Variants in CHEK2 observed in about 807,000 individuals in gnomAD.
The protein encoded by CHEK2 is checkpoint kinase 2.
Under a neutral mutation model 69.1 loss-of-function variants are expected in CHEK2, and 71 were observed. That is an observed-to-expected ratio of 1.03 (90% CI 0.85 to 1.25). The LOEUF is 1.25. Among genes scored for constraint, CHEK2 ranks in the 50% most tolerant of loss-of-function variants. The pLI, the probability that CHEK2 is intolerant of heterozygous loss-of-function variation, is 0.00. For missense variants in CHEK2, 664 were observed against 649.6 expected (o/e 1.02, Z -0.24); for synonymous variants, 189 against 226.9 (o/e 0.83, Z 1.50).
intron 2 of CHEK2, chr22:28,728,131 A>C (rs1269358234): frequency 6.6e-6 from 1 of 152,234 alleles, no homozygotes; most frequent in South Asian, 2.1e-4. Context: ...CTCTAGAAAG[A>C]AAAAGAAAAT....
intron 4 of CHEK2, 71 bp from the exon 5 acceptor site, chr22:28,719,556 T>G (rs2053700834): frequency 3.5e-6 from 3 of 847,840 alleles, no homozygotes; most frequent in Non-Finnish European, 5.8e-6. Context: ...TTCTAAAATT[T>G]ATTCATCATA....
At position 28,689,218 on chromosome 22, in the gene CHEK2, G is replaced by A. The variant is rs876658673; in HGVS notation, c.1462-3C>T. The A allele has an allele frequency of 6.5e-7, 1 of 1,547,248 alleles. No homozygotes were observed. The highest frequency in any genetic ancestry group is 8.8e-7 in the Non-Finnish European group (1 of 1,135,214). On this transcript the variant is annotated splice_region_variant and splice_polypyrimidine_tract_variant and intron_variant, in intron 13 of 14. Transcript: ENST00000404276. ...AACTTTCTCTTCATGTCTTCATCCTGTGAGGGAATTAAAAACATAAGTAGC... is the reference window on the plus strand; with the variant it reads ...AACTTTCTCTTCATGTCTTCATCCTATGAGGGAATTAAAAACATAAGTAGC...
At position 28,696,002 on chromosome 22, in the gene CHEK2, T is replaced by A. The variant is rs574744424; in HGVS notation, c.1096-129A>T. 1.8e-3 allele frequency: 1,330 copies of A among 729,972 alleles called. 3 individuals carry two copies. Among genetic ancestry groups the A allele is most frequent in the Non-Finnish European group, 2.6e-3 (1,107 of 418,266 alleles). 45.2% of individuals were successfully genotyped at this position (729,972 alleles called of 1,614,324 possible). A position where few individuals can be genotyped will look rare whatever the true frequency, so the allele number is the denominator to read the frequency against. On this transcript the variant is annotated intron_variant, in intron 10 of 14. Transcript: ENST00000404276. ...TTGTACAATTCACACCTGCCATTAA[T>A]CTGGAATTTACAGATTCATGTCTTT...
At chr22:28,707,341 G>A (rs913604438) in intron 7 of CHEK2, among the ~76,000 whole-genome samples, 1 of 152,184 alleles carries the variant, frequency 6.6e-6, no homozygotes, top group Non-Finnish European at 1.5e-5. Flanking sequence ...TGTGACATAA[G>A]TATTCTTATT....
intron 2 of CHEK2, among the ~76,000 whole-genome samples, chr22:28,725,881 C>G (rs2053988022): frequency 1.3e-5 from 2 of 149,598 alleles, no homozygotes; most frequent in African/African-American, 5.0e-5. Context: ...TGCACACTAG[C>G]CTGGGCGACA....
chr22:28,696,340 A>T (rs1388693896), intron 10 of CHEK2, among the ~76,000 whole-genome samples: 1 of 152,214 alleles, frequency 6.6e-6, no homozygotes, highest in Non-Finnish European at 1.5e-5. Context: ...CAGACTTGAG[A>T]AACAGGGAAA....
At position 28,687,820 on chromosome 22, in the gene CHEK2, T is replaced by A; in HGVS notation, c.*77A>T. ...ATTCCCATAATTAAAATACAAACTATAAAAAAACAGACTCAAAGAAAAGAA... is the reference window on the plus strand; with the variant it reads ...ATTCCCATAATTAAAATACAAACTAAAAAAAAACAGACTCAAAGAAAAGAA... On this transcript the variant is annotated 3_prime_UTR_variant, in exon 15 of 15. Coordinates refer to ENST00000404276, the MANE Select transcript of CHEK2 (RefSeq NM_007194.4). 1.7e-6 allele frequency: 2 copies of A among 1,161,958 alleles called. No homozygotes were observed. Among genetic ancestry groups the A allele is most frequent in the Non-Finnish European group, 2.5e-6 (2 of 800,178 alleles). 72.0% of individuals were successfully genotyped at this position (1,161,958 alleles called of 1,614,324 possible). A position where few individuals can be genotyped will look rare whatever the true frequency, so the allele number is the denominator to read the frequency against.
chr22:28,716,426 A>C (rs2053590631), intron 5 of CHEK2, among the ~76,000 whole-genome samples: 1 of 151,042 alleles, frequency 6.6e-6, no homozygotes, highest in African/African-American at 2.4e-5. Flanking sequence ...CAAACCCCCA[A>C]CCTCAGGTGA....
intron 2 of CHEK2, 79 bp from the exon 3 acceptor site, chr22:28,725,446 T>G: frequency 6.5e-7 from 1 of 1,534,810 alleles, no homozygotes; most frequent in Non-Finnish European, 9.0e-7. Context: ...AAATGCTAAT[T>G]GTAGGAAAAT....
intron 1 of CHEK2, among the ~76,000 whole-genome samples, chr22:28,741,369 G>A (rs17880459): frequency 0.012 from 1,896 of 151,708 alleles, 46 homozygotes; most frequent in African/African-American, 0.043. Context: ...TTAGGGACAC[G>A]CAGAACATCC....
intron 8 of CHEK2, among the ~76,000 whole-genome samples, chr22:28,701,261 G>C (rs1249866218): frequency 6.6e-6 from 1 of 151,728 alleles, no homozygotes; most frequent in Non-Finnish European, 1.5e-5. Context: ...TTTTGAGACA[G>C]TCTTGCTCTG....
intron 1 of CHEK2, 77 bp from the exon 2 acceptor site, chr22:28,734,804 T>G: frequency 8.9e-7 from 1 of 1,124,326 alleles, no homozygotes; most frequent in Non-Finnish European, 1.3e-6. Context: ...ATGATGGGCC[T>G]ATTACAACAG....
At chr22:28,697,023 G>T in intron 9 of CHEK2, 36 bp from the exon 10 acceptor site, 1 of 1,305,730 alleles carries the variant, frequency 7.7e-7, no homozygotes, top group Non-Finnish European at 1.1e-6. Flanking sequence ...TCAGATTCAT[G>T]CAGTAGATAC....
intron 14 of CHEK2, among the ~76,000 whole-genome samples, chr22:28,688,243 C>T (rs192274133): frequency 6.6e-6 from 1 of 152,248 alleles, no homozygotes; most frequent in East Asian, 1.9e-4. Flanking sequence ...AGTAGCATAA[C>T]CAACTTCCTC....
At chr22:28,721,805 A>G (rs184615702) in intron 4 of CHEK2, among the ~76,000 whole-genome samples, 6 of 151,984 alleles carry the variant, frequency 3.9e-5, no homozygotes, top group Non-Finnish European at 8.8e-5. Context: ...ATCATGGCTC[A>G]CTGTAGCCTC....
intron 7 of CHEK2, among the ~76,000 whole-genome samples, chr22:28,708,363 ATGTGTG>A (rs10694007): frequency 4.5e-4 from 63 of 139,668 alleles, no homozygotes; most frequent in South Asian, 7.1e-4. Context: ...CTCTAAAAAT[ATGTGTG>A]TGTGTGTGTG....
intron 4 of CHEK2, chr22:28,721,445 C>T (rs545959294): frequency 3.1e-6 from 1 of 318,092 alleles, no homozygotes; most frequent in East Asian, 7.9e-5. Context: ...TGCCATCATG[C>T]CCGGCTAATT....
At chr22:28,724,524 G>A (rs1189484809) in intron 4 of CHEK2, 4 of 233,998 alleles carry the variant, frequency 1.7e-5, no homozygotes, top group African/African-American at 9.1e-5. Flanking sequence ...ATTTTACAAT[G>A]CAACTAGGAC....
At chr22:28,737,536 T>G (rs894966306) in intron 1 of CHEK2, among the ~76,000 whole-genome samples, 12 of 151,786 alleles carry the variant, frequency 7.9e-5, no homozygotes, top group African/African-American at 2.9e-4. Context: ...GTGGCACAAT[T>G]TTGGCTCATT....
Sources: allele counts gnomAD v4.1 joint callset (sites outside exome capture counted in the v4.1 genomes callset), GRCh38; gene constraint gnomAD v4.1.1; transcripts MANE v1.5; gene names NCBI Gene and HGNC (gene_info 2026-07-23, HGNC 2026-07-21).